STX8: variants seen among roughly 807,000 people sequenced by gnomAD.
STX8 encodes the protein syntaxin-8.
In STX8, 23 loss-of-function variants were observed where a neutral mutation model predicts 37.5. The ratio of observed to expected loss-of-function variants is 0.61; its 90% CI spans 0.44 to 0.87. The LOEUF (loss-of-function observed/expected upper bound fraction) is 0.87. Ranked by LOEUF, STX8 falls within the 40% of genes least tolerant of loss-of-function variation. The pLI is 0.00. For missense variants in STX8, 313 were observed against 284.7 expected (o/e 1.10, Z -0.71); for synonymous variants, 115 against 99.1 (o/e 1.16, Z -0.95).
At chr17:9,552,177 C>T (rs979051779) in intron 3 of STX8, among the ~76,000 whole-genome samples, 2 of 151,994 alleles carry the variant, frequency 1.3e-5, no homozygotes, top group Non-Finnish European at 2.9e-5. Context: ...TGGCGAGACC[C>T]CATCTCTACA....
At chr17:9,255,636 G>A (rs913510342) in intron 7 of STX8, among the ~76,000 whole-genome samples, 3 of 152,114 alleles carry the variant, frequency 2.0e-5, no homozygotes, top group African/African-American at 7.2e-5. Flanking sequence ...CTGATAAGAT[G>A]TGATAAACTG....
chr17:9,265,096 G>C (rs1279258992), intron 7 of STX8, among the ~76,000 whole-genome samples: 3 of 149,232 alleles, frequency 2.0e-5, no homozygotes, highest in Non-Finnish European at 4.4e-5. Flanking sequence ...TCCAGCCTGG[G>C]TGAGAGAACA....
intron 6 of STX8, among the ~76,000 whole-genome samples, chr17:9,478,767 A>T (rs1186862406): frequency 6.6e-6 from 1 of 151,992 alleles, no homozygotes; most frequent in Non-Finnish European, 1.5e-5. Context: ...AAGCCTTTTG[A>T]TTTCTCCAGC....
intron 7 of STX8, among the ~76,000 whole-genome samples, chr17:9,362,013 A>G (rs1911077507): frequency 1.3e-5 from 2 of 152,162 alleles, no homozygotes; most frequent in Non-Finnish European, 2.9e-5. Context: ...CAAAAAATTT[A>G]AAGTGTCTAC....
intron 2 of STX8, 21 bp from the exon 3 acceptor site, chr17:9,557,549 C>A: frequency 6.2e-7 from 1 of 1,600,034 alleles, no homozygotes; most frequent in Non-Finnish European, 8.6e-7. Context: ...AAGAACACAT[C>A]CTAAGTATTC....
intron 7 of STX8, among the ~76,000 whole-genome samples, chr17:9,288,473 A>G (rs1000185463): frequency 4.6e-5 from 7 of 151,768 alleles, no homozygotes; most frequent in Non-Finnish European, 1.0e-4. Flanking sequence ...CATCCTGGCT[A>G]ACGCGGTGAA....
chr17:9,569,526 CA>C (rs1907598477), intron 1 of STX8: 1 of 154,024 alleles, frequency 6.5e-6, no homozygotes, highest in East Asian at 1.9e-4. Flanking sequence ...AGAATTCTCT[CA>C]AAACATTTAA....
intron 7 of STX8, among the ~76,000 whole-genome samples, chr17:9,358,125 G>A (rs1172669287): frequency 6.6e-6 from 1 of 152,176 alleles, no homozygotes; most frequent in Non-Finnish European, 1.5e-5. Context: ...AGGAGGCCAA[G>A]GTAGATCGTT....
intron 5 of STX8, among the ~76,000 whole-genome samples, chr17:9,498,591 AG>A (rs909273097): frequency 1.2e-4 from 18 of 152,330 alleles, no homozygotes; most frequent in Middle Eastern, 3.4e-3. Flanking sequence ...TGTGACTGCA[AG>A]GGTTCAAAGG....
At chr17:9,550,335 A>C (rs925411843) in intron 3 of STX8, among the ~76,000 whole-genome samples, 1 of 152,168 alleles carries the variant, frequency 6.6e-6, no homozygotes, top group Non-Finnish European at 1.5e-5. Context: ...AGACAGATAA[A>C]GAAAAGGAAG....
intron 3 of STX8, chr17:9,557,076 G>C (rs1013594891): frequency 5.4e-6 from 1 of 185,470 alleles, no homozygotes; most frequent in African/African-American, 2.3e-5. Context: ...TCACAGCTTA[G>C]GATGATCATG....
chr17:9,444,295 T>C (rs1475775795), intron 6 of STX8, among the ~76,000 whole-genome samples: 1 of 152,180 alleles, frequency 6.6e-6, no homozygotes, highest in Non-Finnish European at 1.5e-5. Context: ...TGTCTGTTCT[T>C]CTCTTAATTA....
chr17:9,255,225 A>T (rs1906743251), intron 7 of STX8, among the ~76,000 whole-genome samples: 1 of 152,020 alleles, frequency 6.6e-6, no homozygotes, highest in African/African-American at 2.4e-5. Flanking sequence ...GGCACACATT[A>T]TCTATAAAAA....
At chr17:9,437,705 T>C (rs560205147) in intron 6 of STX8, 3 of 152,324 alleles carry the variant, frequency 2.0e-5, no homozygotes, top group Non-Finnish European at 4.4e-5. Context: ...CTAGGCCTTA[T>C]ATCTATAAGC....
chr17:9,354,064 A>G (rs1188738504), intron 7 of STX8, among the ~76,000 whole-genome samples: 2 of 152,140 alleles, frequency 1.3e-5, no homozygotes, highest in East Asian at 3.8e-4. Flanking sequence ...ATATGCCCAT[A>G]CCATAATCTT....
intron 4 of STX8, among the ~76,000 whole-genome samples, chr17:9,541,950 G>C (rs1322056443): frequency 6.6e-6 from 1 of 151,484 alleles, no homozygotes; most frequent in Non-Finnish European, 1.5e-5. Context: ...TGCTGCCCAG[G>C]CCTCACCCAA....
intron 4 of STX8, among the ~76,000 whole-genome samples, chr17:9,519,360 C>T (rs969432947): frequency 6.6e-6 from 1 of 151,204 alleles, no homozygotes; most frequent in African/African-American, 2.5e-5. Context: ...GTCATCCAAG[C>T]CATTTTTTTT....
intron 7 of STX8, among the ~76,000 whole-genome samples, chr17:9,273,001 A>G (rs552165877): frequency 2.6e-5 from 4 of 152,274 alleles, no homozygotes; most frequent in Non-Finnish European, 5.9e-5. Context: ...GAGCCTGGCT[A>G]GAATGCGAAG....
At chr17:9,306,426 T>C (rs1004989837) in intron 7 of STX8, among the ~76,000 whole-genome samples, 2 of 139,422 alleles carry the variant, frequency 1.4e-5, no homozygotes, top group African/African-American at 6.2e-5. Context: ...GTTCATCGTA[T>C]TGGTGATTGA....
Sources: gnomAD v4.1 joint callset for allele counts (sites outside exome capture counted in the v4.1 genomes callset) on GRCh38, gnomAD v4.1.1 for gene constraint, MANE v1.5 for transcripts, NCBI Gene and HGNC (gene_info 2026-07-23, HGNC 2026-07-21) for gene names.